B4GALNT3: variants seen among roughly 807,000 people sequenced by gnomAD.
B4GALNT3 encodes the protein beta-1,4-N-acetyl-galactosaminyltransferase 3, also known as beta-1,4-N-acetylgalactosaminyltransferase 3.
Under a neutral mutation model 120.2 loss-of-function variants are expected in B4GALNT3, and 86 were observed. The observed-to-expected ratio is 0.72, with a 90% confidence interval of 0.60 to 0.86. The LOEUF is 0.86. Ranked by LOEUF, B4GALNT3 falls within the 40% of genes least tolerant of loss-of-function variation. The pLI is 0.00. For synonymous variants in B4GALNT3, 518 were observed against 510.4 expected, an observed-to-expected ratio of 1.01 and a Z score of -0.20; for missense variants, 1,167 against 1,298.9, an observed-to-expected ratio of 0.90 and a Z score of 1.56.
At chr12:515,646 T>G (rs1002307493) in intron 1 of B4GALNT3, among the ~76,000 whole-genome samples, 1 of 152,168 alleles carries the variant, frequency 6.6e-6, no homozygotes, top group Admixed American at 6.5e-5. Flanking sequence ...TCTCATTTGA[T>G]CCTCATAACC....
At chr12:517,106 A>G (rs1041018720) in intron 1 of B4GALNT3, among the ~76,000 whole-genome samples, 1 of 152,146 alleles carries the variant, frequency 6.6e-6, no homozygotes, top group African/African-American at 2.4e-5. Context: ...TCCAAGTGAG[A>G]GAGTGAGTAA....
chr12:496,550 A>G (rs377731116), intron 1 of B4GALNT3, among the ~76,000 whole-genome samples: 13 of 152,122 alleles, frequency 8.5e-5, no homozygotes, highest in African/African-American at 2.9e-4. Flanking sequence ...CAGTGAGCCA[A>G]TATTGCACTC....
chr12:493,031 C>T (rs1267082577), intron 1 of B4GALNT3, among the ~76,000 whole-genome samples: 5 of 152,166 alleles, frequency 3.3e-5, no homozygotes, highest in African/African-American at 1.2e-4. Context: ...TTGGGTATGC[C>T]AGTGACTTTA....
chr12:480,684 C>T (rs910218249), intron 1 of B4GALNT3, among the ~76,000 whole-genome samples: 12 of 133,570 alleles, frequency 9.0e-5, no homozygotes, highest in African/African-American at 3.3e-4. Context: ...TCTCCGGGAC[C>T]GCGGCTGTCC....
chr12:470,801 C>T lies in B4GALNT3; in HGVS notation c.169+10256C>T, dbSNP rs146338250. Among the ~76,000 whole-genome samples the T allele has an allele frequency of 7.4e-3, 1,123 of 152,200 alleles. 18 individuals are homozygous for T. The highest frequency in any genetic ancestry group is 0.01 in the Middle Eastern group (3 of 294). ...TCACCCAGGCTGAAGTGCAGTGGCA[C>T]GATCTCGGCTCACTCTAACCTACGT... is the stretch of plus-strand genomic sequence containing the variant. On this transcript the variant is annotated intron_variant, in intron 1 of 19. Coordinates refer to ENST00000266383, the MANE Select transcript of B4GALNT3 (RefSeq NM_173593.4).
intron 1 of B4GALNT3, among the ~76,000 whole-genome samples, chr12:463,476 G>A (rs373100035): frequency 1.1e-4 from 17 of 152,174 alleles, no homozygotes; most frequent in African/African-American, 4.1e-4. Flanking sequence ...TTTACTTAGC[G>A]CATACCTCGA....
intron 1 of B4GALNT3, among the ~76,000 whole-genome samples, chr12:515,962 C>T (rs1946650003): frequency 1.3e-5 from 2 of 149,448 alleles, no homozygotes; most frequent in African/African-American, 5.0e-5. Context: ...GTGGTGAAAC[C>T]CCATCTCTAC....
intron 1 of B4GALNT3, among the ~76,000 whole-genome samples, chr12:505,997 T>G (rs972080578): frequency 6.6e-6 from 1 of 152,250 alleles, no homozygotes; most frequent in African/African-American, 2.4e-5. Context: ...GATACTCTTC[T>G]TATAAATCAG....
intron 1 of B4GALNT3, among the ~76,000 whole-genome samples, chr12:507,627 C>T (rs1175828836): frequency 6.6e-6 from 1 of 152,224 alleles, no homozygotes; most frequent in Non-Finnish European, 1.5e-5. Context: ...CTGCGAGTGG[C>T]TCTGTGTTTA....
chr12:474,299 G>C lies in B4GALNT3; in HGVS notation c.169+13754G>C, dbSNP rs893404480. Among the ~76,000 whole-genome samples the C allele has an allele frequency of 9.3e-4, 142 of 152,246 alleles. 1 individual carries two copies. Among genetic ancestry groups the C allele is most frequent in the Non-Finnish European group, 2.1e-4 (14 of 68,018 alleles). On this transcript the variant is annotated intron_variant, in intron 1 of 19. Coordinates refer to ENST00000266383, the MANE Select transcript of B4GALNT3 (RefSeq NM_173593.4). Reference sequence around the variant, plus strand: ...TCCCAAAACCAGTATGGGGGGATGGGGGATGTCCTATTGAAAGCCAGACTG... The same window carrying C: ...TCCCAAAACCAGTATGGGGGGATGGCGGATGTCCTATTGAAAGCCAGACTG...
In B4GALNT3 at chr12:535,210, A is replaced by G; in HGVS notation, c.214A>G (p.Asn72Asp). The stretch of plus-strand genomic sequence containing the variant: ...ACTGGCCAAGGCTCTGGCCAGCAGG[A>G]ACATTCCAGCTGTGGATCCACACCT... ...RELAKALASR[N>D]IPAVDPHLQF... Residue 72 changes from asparagine (N) to aspartate (D), a missense_variant, in exon 2 of 20, where the codon AAC (asparagine) becomes GAC (aspartate). Asn to Asp is a conservative substitution (Grantham distance 23). Transcript: ENST00000266383. 1 of 1,613,906 alleles carries G rather than the reference A, an allele frequency of 6.2e-7. No homozygotes were observed. Among genetic ancestry groups the G allele is most frequent in the Non-Finnish European group, 8.5e-7 (1 of 1,179,974 alleles).
At position 550,022 on chromosome 12, in the gene B4GALNT3, A is replaced by G; in HGVS notation, c.997+110A>G. The G allele has an allele frequency of 8.0e-7, 1 of 1,252,392 alleles. No individual in the cohort carries two copies. 77.6% of individuals were successfully genotyped at this position (1,252,392 alleles called of 1,614,324 possible). A position where few individuals can be genotyped will look rare whatever the true frequency, so the allele number is the denominator to read the frequency against. Reference sequence around the variant, plus strand: ...ACCTGCCAAGTATCCCAATCACCGTAGAACTTTTTATCGTCCTTGTAACAT... The same window carrying G: ...ACCTGCCAAGTATCCCAATCACCGTGGAACTTTTTATCGTCCTTGTAACAT... On this transcript the variant is annotated intron_variant, in intron 10 of 19. Transcript: ENST00000266383. This position sits in a 1 kb window ranked among gnomAD's most constrained non-coding sequence, Gnocchi z 4.1.
At chr12:558,406 A>G in intron 17 of B4GALNT3, 102 bp from the exon 18 acceptor site, 1 of 1,128,148 alleles carries the variant, frequency 8.9e-7, no homozygotes, top group Non-Finnish European at 1.3e-6. Context: ...GAGTTTGTGA[A>G]TCACTCCAAT....
Position 548,374 on chromosome 12 carries a change from G to A in B4GALNT3, c.853+77G>A. On this transcript the variant is annotated intron_variant, in intron 9 of 19. Transcript: ENST00000266383. The surrounding 1 kb of genome is among the most constrained non-coding windows in gnomAD (Gnocchi z 4.9). ...TACCCTGGGGGATTTGGCAGGGGAG[G>A]AGGGGAGGAGGGGAGGAAGGAAGCT... 7.4e-7 allele frequency: 1 copy of A among 1,354,476 alleles called. No individual in the cohort carries two copies. Among genetic ancestry groups the A allele is most frequent in the South Asian group, 1.2e-5 (1 of 84,294 alleles). 83.9% of individuals were successfully genotyped at this position (1,354,476 alleles called of 1,614,324 possible).
chr12:478,636 A>C (rs1449483083), intron 1 of B4GALNT3, among the ~76,000 whole-genome samples: 2 of 152,234 alleles, frequency 1.3e-5, no homozygotes, highest in African/African-American at 4.8e-5. Context: ...TCAACAGGAA[A>C]AAAAATCCTT....
chr12:518,798 G>A (rs1377826625), intron 1 of B4GALNT3, among the ~76,000 whole-genome samples: 1 of 152,168 alleles, frequency 6.6e-6, no homozygotes, highest in Non-Finnish European at 1.5e-5. Context: ...TTGTCATGCT[G>A]TGTATTTTTA....
At chr12:493,618 C>T (rs946306853) in intron 1 of B4GALNT3, among the ~76,000 whole-genome samples, 7 of 148,158 alleles carry the variant, frequency 4.7e-5, no homozygotes, top group East Asian at 2.0e-4. Context: ...TGGTTTTTCA[C>T]GAGAAGGATA....
intron 14 of B4GALNT3, 145 bp from the exon 15 acceptor site, chr12:556,402 G>T (rs150603942): frequency 1.4e-6 from 1 of 719,218 alleles, no homozygotes; most frequent in South Asian, 1.9e-5. Flanking sequence ...TGCGAATCTT[G>T]CCTGAGGCCC....
chr12:480,747 G>T (rs905844968), intron 1 of B4GALNT3, among the ~76,000 whole-genome samples: 3 of 152,294 alleles, frequency 2.0e-5, no homozygotes, highest in Admixed American at 2.0e-4. Context: ...ATAGGCGGGG[G>T]CTGTGAGGAG....
Sources: gnomAD v4.1 joint callset for allele counts (sites outside exome capture counted in the v4.1 genomes callset) on GRCh38, gnomAD v4.1.1 for gene constraint, Gnocchi (gnomAD v3.1) non-coding constraint, MANE v1.5 for transcripts, NCBI Gene and HGNC (gene_info 2026-07-23, HGNC 2026-07-21) for gene names.